Variants in CLSTN2 observed in about 807,000 individuals in gnomAD.
CLSTN2 encodes calsyntenin 2.
In CLSTN2, 48 loss-of-function variants were observed where a neutral mutation model predicts 101.2. The ratio of observed to expected loss-of-function variants is 0.47; its 90% confidence interval spans 0.38 to 0.60. The LOEUF (loss-of-function observed/expected upper bound fraction) is 0.60, where lower values mean the gene tolerates loss of function less well. CLSTN2 is among the 20% of genes least tolerant of loss of function. The pLI, the probability that CLSTN2 is intolerant of heterozygous loss-of-function variation, is 0.00. For missense variants in CLSTN2, 1,160 were observed against 1,238.2 expected, an observed-to-expected ratio of 0.94 and a Z score of 0.95; for synonymous variants, 481 against 463.6, an observed-to-expected ratio of 1.04 and a Z score of -0.48.
intron 1 of CLSTN2, among the ~76,000 whole-genome samples, chr3:140,044,127 C>A (rs995388616): frequency 6.6e-6 from 1 of 152,102 alleles, no homozygotes; most frequent in African/African-American, 2.4e-5. Context: ...GGCAGTATGG[C>A]CATTTTCACG....
intron 2 of CLSTN2, among the ~76,000 whole-genome samples, chr3:140,360,717 G>A (rs1468721830): frequency 6.6e-6 from 1 of 151,976 alleles, no homozygotes; most frequent in African/African-American, 2.4e-5. Context: ...GGGAATATTA[G>A]GAACAATTTT....
At chr3:140,268,565 C>A (rs1411896333) in intron 2 of CLSTN2, among the ~76,000 whole-genome samples, 1 of 152,126 alleles carries the variant, frequency 6.6e-6, no homozygotes, top group Non-Finnish European at 1.5e-5. Context: ...GATAGCTTTC[C>A]CAGGCAAAAC....
chr3:140,037,891 G>A (rs1038107896), intron 1 of CLSTN2, among the ~76,000 whole-genome samples: 3 of 152,116 alleles, frequency 2.0e-5, no homozygotes, highest in Non-Finnish European at 4.4e-5. Flanking sequence ...CCTTTATATG[G>A]CTGCATAGTA....
intron 2 of CLSTN2, among the ~76,000 whole-genome samples, chr3:140,307,371 A>C (rs2087124837): frequency 6.6e-6 from 1 of 151,876 alleles, no homozygotes; most frequent in Admixed American, 6.6e-5. Flanking sequence ...CCTCCTGGGC[A>C]CTCCTGCCCC....
Position 140,503,792 on chromosome 3 carries a change from C to T in CLSTN2, c.1345-28532C>T, listed in dbSNP as rs551010981. ...GCAGAAAAAAGAATTTTTCTTGATTCGGCTATAGCCCCTGGTTTATAAGTA... is the reference window on the plus strand; with the variant it reads ...GCAGAAAAAAGAATTTTTCTTGATTTGGCTATAGCCCCTGGTTTATAAGTA... On this transcript the variant is annotated intron_variant, in intron 8 of 16. Transcript: ENST00000458420. Among the ~76,000 whole-genome samples, 16 of 152,228 alleles carry T rather than the reference C, an allele frequency of 1.1e-4. No homozygotes were observed. In the South Asian group the frequency reaches 2.9e-3, roughly 28 times the overall value.
At chr3:140,053,304 G>A (rs1479518880) in intron 1 of CLSTN2, among the ~76,000 whole-genome samples, 1 of 152,212 alleles carries the variant, frequency 6.6e-6, no homozygotes, top group Non-Finnish European at 1.5e-5. Flanking sequence ...ACAGGATGAT[G>A]TAATTGAATT....
chr3:139,976,627 A>C (rs532861049), intron 1 of CLSTN2, among the ~76,000 whole-genome samples: 2 of 152,260 alleles, frequency 1.3e-5, no homozygotes, highest in South Asian at 4.1e-4. Flanking sequence ...TCCTGGGATG[A>C]ATTCACTCAG....
intron 8 of CLSTN2, among the ~76,000 whole-genome samples, chr3:140,480,596 C>G (rs973726557): frequency 1.3e-5 from 2 of 152,202 alleles, no homozygotes; most frequent in African/African-American, 4.8e-5. Context: ...TCCACATCCT[C>G]TCTAGCACCT....
intron 2 of CLSTN2, among the ~76,000 whole-genome samples, chr3:140,233,315 C>T (rs1299884236): frequency 6.6e-6 from 1 of 152,170 alleles, no homozygotes; most frequent in African/African-American, 2.4e-5. Flanking sequence ...TCAACAGAGG[C>T]TGACCTTCTT....
At chr3:140,090,898 G>A (rs1339561133) in intron 1 of CLSTN2, among the ~76,000 whole-genome samples, 3 of 152,140 alleles carry the variant, frequency 2.0e-5, no homozygotes, top group African/African-American at 7.2e-5. Context: ...GGAAGTTAGA[G>A]GCCTTCAAAT....
At chr3:140,547,977 C>G (rs140321436) in intron 10 of CLSTN2, among the ~76,000 whole-genome samples, 103 of 152,330 alleles carry the variant, frequency 6.8e-4, no homozygotes, top group African/African-American at 2.4e-3. Context: ...TCTCAGCTGG[C>G]CTAACATCCT....
intron 2 of CLSTN2, among the ~76,000 whole-genome samples, chr3:140,223,345 A>G (rs558952965): frequency 6.6e-6 from 1 of 152,316 alleles, no homozygotes; most frequent in South Asian, 2.1e-4. Context: ...GGCAATGCCT[A>G]GCTAAGTCTT....
At chr3:140,353,863 A>T (rs542207540) in intron 2 of CLSTN2, among the ~76,000 whole-genome samples, 1 of 152,180 alleles carries the variant, frequency 6.6e-6, no homozygotes. Flanking sequence ...CCTGGGTTCA[A>T]CTAAACAGGC....
At chr3:140,147,057 T>C (rs1196327908) in intron 1 of CLSTN2, among the ~76,000 whole-genome samples, 1 of 152,204 alleles carries the variant, frequency 6.6e-6, no homozygotes, top group African/African-American at 2.4e-5. Flanking sequence ...AATAAATGGA[T>C]GGATGAATGG....
At chr3:140,208,444 T>C (rs2010811812) in intron 2 of CLSTN2, among the ~76,000 whole-genome samples, 1 of 152,226 alleles carries the variant, frequency 6.6e-6, no homozygotes, top group South Asian at 2.1e-4. Flanking sequence ...TATGATTAAT[T>C]TTTTGTTTAT....
At chr3:140,532,285 T>A (rs1158227577) in intron 8 of CLSTN2, 39 bp from the exon 9 acceptor site, 1 of 1,530,828 alleles carries the variant, frequency 6.5e-7, no homozygotes, top group Non-Finnish European at 8.9e-7. Flanking sequence ...TTTTATTACA[T>A]ATTCAATTTT....
chr3:140,276,864 T>C (rs949498940), intron 2 of CLSTN2, among the ~76,000 whole-genome samples: 2 of 152,190 alleles, frequency 1.3e-5, no homozygotes, highest in Admixed American at 6.5e-5. Flanking sequence ...GTCAGCACTC[T>C]GGGCTGCCTT....
chr3:140,366,989 G>A (rs2107954173), intron 2 of CLSTN2, among the ~76,000 whole-genome samples: 1 of 152,314 alleles, frequency 6.6e-6, no homozygotes, highest in East Asian at 1.9e-4. Flanking sequence ...GGACTTAGAA[G>A]GTGGGCTTGG....
intron 9 of CLSTN2, among the ~76,000 whole-genome samples, chr3:140,538,521 C>T (rs948002793): frequency 2.6e-5 from 4 of 152,284 alleles, no homozygotes; most frequent in Non-Finnish European, 2.9e-5. Context: ...CAGTAACGTA[C>T]GATTTGTGGG....
Sources: allele counts gnomAD v4.1 joint callset (sites outside exome capture counted in the v4.1 genomes callset), GRCh38; gene constraint gnomAD v4.1.1; transcripts MANE v1.5; gene names NCBI Gene and HGNC (gene_info 2026-07-23, HGNC 2026-07-21).